The following PGBD1 variants were observed in gnomAD, a reference collection of about 807,000 sequenced individuals.
PGBD1 encodes the protein piggyBac transposable element-derived protein 1.
Under a neutral mutation model 34.7 loss-of-function variants are expected in PGBD1, and 25 were observed. That is an observed-to-expected ratio of 0.72 (90% confidence interval 0.52 to 1.00). PGBD1 has a LOEUF of 1.00. Ranked by LOEUF, PGBD1 falls within the 50% of genes least tolerant of loss-of-function variation. The probability of loss-of-function intolerance (pLI) is 0.00; values close to 1 mark genes in which losing one functional copy is unlikely to be tolerated. For missense variants in PGBD1, 830 were observed against 959.4 expected (o/e 0.87, Z 1.78); for synonymous variants, 292 against 335.7 (o/e 0.87, Z 1.42).
At chr6:28,287,220 C>A in intron 4 of PGBD1, 52 bp downstream of exon 4, 1 of 1,446,468 alleles carries the variant, frequency 6.9e-7, no homozygotes, top group South Asian at 1.1e-5. Context: ...CTTTCTCCCT[C>A]ATTCCATGTT....
chr6:28,299,339 C>T (rs56053755), intron 6 of PGBD1, among the ~76,000 whole-genome samples: 31,121 of 150,176 alleles, frequency 0.21, 4,469 homozygotes, highest in African/African-American at 0.39. Flanking sequence ...CCCTCCCTCA[C>T]CCCCACCCCA....
Position 28,300,976 on chromosome 6 carries a change from G to C in PGBD1, c.1122G>C (p.Gln374His). ...AAAAAGATAATGAGCCTGAGATCCA[G>C]CCTGCTCAAAAGAAGTTAAAGGTAT... Reference protein sequence around the residue: ...DVEKDNEPEIQPAQKKLKVSC... With the variant: ...DVEKDNEPEIHPAQKKLKVSC... The change falls in exon 7 of 7, where the codon CAG becomes CAC. Residue 374 changes from glutamine to histidine, a missense_variant. Coordinates refer to ENST00000682144, the MANE Select transcript of PGBD1 (RefSeq NM_032507.4). This position sits in a 1 kb window ranked among gnomAD's most constrained non-coding sequence, Gnocchi z 4.0. 1 of 1,614,124 alleles carries C rather than the reference G, an allele frequency of 6.2e-7. No homozygotes were observed. The highest frequency in any genetic ancestry group is 8.5e-7 in the Non-Finnish European group (1 of 1,180,026).
chr6:28,294,418 T>G (rs1352034618), intron 4 of PGBD1, among the ~76,000 whole-genome samples: 1 of 152,228 alleles, frequency 6.6e-6, no homozygotes, highest in African/African-American at 2.4e-5. Flanking sequence ...CAACAGATTT[T>G]CAATGAAGAT....
rs1326574215 is a variant in PGBD1 at position 28,301,245 on chromosome 6, T to C, written c.1391T>C (p.Leu464Ser). The change falls in exon 7 of 7, where the codon TTA becomes TCA. Residue 464 changes from leucine to serine, a missense_variant. By Grantham distance (145) the Leu-to-Ser change is moderately radical (BLOSUM62 -2). Coordinates refer to ENST00000682144, the MANE Select transcript of PGBD1 (RefSeq NM_032507.4). Reference sequence around the variant, plus strand: ...GAAATGAGGTGTGTGTTTGGTGTCTTACTTTTGAGTGGATTTATGAGGCAT... The same window carrying C: ...GAAATGAGGTGTGTGTTTGGTGTCTCACTTTTGAGTGGATTTATGAGGCAT... ...VQEMRCVFGV[L>S]LLSGFMRHPR... 1.9e-6 allele frequency: 3 copies of C among 1,614,206 alleles called. No individual in the cohort carries two copies. The highest frequency in any genetic ancestry group is 3.3e-5 in the Admixed American group (2 of 60,028).
chr6:28,287,694 C>T (rs940238279), intron 4 of PGBD1, among the ~76,000 whole-genome samples: 1 of 147,382 alleles, frequency 6.8e-6, no homozygotes. Context: ...CATTTATTTA[C>T]AAAAAAAAAA....
At chr6:28,294,672 C>T (rs1762574641) in intron 4 of PGBD1, among the ~76,000 whole-genome samples, 1 of 152,194 alleles carries the variant, frequency 6.6e-6, no homozygotes, top group Non-Finnish European at 1.5e-5. Flanking sequence ...GATGATAGCA[C>T]ATCTGTTTAC....
intron 1 of PGBD1, among the ~76,000 whole-genome samples, chr6:28,282,683 G>A (rs186897834): frequency 3.3e-5 from 5 of 152,322 alleles, no homozygotes; most frequent in Admixed American, 3.3e-4. Context: ...TAGAAATGGA[G>A]AAATACCGAG....
intron 4 of PGBD1, among the ~76,000 whole-genome samples, chr6:28,289,281 G>A (rs999697716): frequency 6.6e-6 from 1 of 152,126 alleles, no homozygotes; most frequent in African/African-American, 2.4e-5. Context: ...GGAGAAAGTG[G>A]AATGACATTT....
chr6:28,301,102 G>C lies in PGBD1; in HGVS notation c.1248G>C (p.Lys416Asn). ...DSGLLNLKSE[K>N]LNPVELFELF... is the part of the protein sequence containing the mutation. The stretch of plus-strand genomic sequence containing the variant: ...GACTTTTGAATCTCAAGAGCGAAAA[G>C]TTGAACCCAGTAGAGCTTTTTGAAT... The change falls in exon 7 of 7, where the codon AAG becomes AAC. Residue 416 changes from lysine (K) to asparagine (N), a missense_variant. Lys to Asn is a moderately conservative substitution (Grantham distance 94). Around this residue, in one of 3 missense-constraint regions of PGBD1, gnomAD observed 457 missense variants for 515.4 expected, o/e 0.89. Transcript: ENST00000682144. 6.2e-7 allele frequency: 1 copy of C among 1,614,158 alleles called. No individual in the cohort carries two copies. The highest frequency in any genetic ancestry group is 8.5e-7 in the Non-Finnish European group (1 of 1,180,032).
intron 4 of PGBD1, among the ~76,000 whole-genome samples, chr6:28,294,839 G>A (rs1410170744): frequency 6.6e-6 from 1 of 152,192 alleles, no homozygotes; most frequent in African/African-American, 2.4e-5. Flanking sequence ...TTTCAAGCCT[G>A]CCAATACAAT....
At chr6:28,291,213 C>A in intron 4 of PGBD1, among the ~76,000 whole-genome samples, 1 of 143,156 alleles carries the variant, frequency 7.0e-6, no homozygotes, top group Non-Finnish European at 1.5e-5. Context: ...TTTAGCTGGA[C>A]AAACAAAAAA....
At position 28,301,125 on chromosome 6, in the gene PGBD1, A is replaced by G. The variant is rs1398620256; in HGVS notation, c.1271A>G (p.Glu424Gly). The change falls in exon 7 of 7, where the codon GAA becomes GGA. Residue 424 changes from glutamate to glycine, a missense_variant. Around this residue, in one of 3 missense-constraint regions of PGBD1, gnomAD observed 457 missense variants for 515.4 expected, o/e 0.89. Coordinates refer to ENST00000682144, the MANE Select transcript of PGBD1 (RefSeq NM_032507.4). The stretch of plus-strand genomic sequence containing the variant: ...AAGTTGAACCCAGTAGAGCTTTTTG[A>G]ATTATTTTTTGATGATGAAACATTC... Reference protein sequence around the residue: ...SEKLNPVELFELFFDDETFNL... With the variant: ...SEKLNPVELFGLFFDDETFNL... The G allele has an allele frequency of 3.1e-6, 5 of 1,614,040 alleles. No individual in the cohort carries two copies. Among genetic ancestry groups the G allele is most frequent in the Non-Finnish European group, 4.2e-6 (5 of 1,180,036 alleles).
rs578023718 is a variant in PGBD1 at position 28,287,745 on chromosome 6, T to A, written c.642+577T>A. Among the ~76,000 whole-genome samples the A allele has an allele frequency of 9.9e-5, 15 of 152,254 alleles. No homozygotes were observed. The East Asian group carries it at 2.1e-3, about 22-fold the overall frequency. On this transcript the variant is annotated intron_variant, in intron 4 of 6. Transcript: ENST00000682144. ...AGTCCTCTTGCATACTGCTGCCACA[T>A]CAGTTTCCTCAAGACACTTGCTCAG...
intron 4 of PGBD1, among the ~76,000 whole-genome samples, chr6:28,296,321 T>C (rs893260787): frequency 3.3e-5 from 5 of 152,374 alleles, no homozygotes; most frequent in African/African-American, 1.2e-4. Flanking sequence ...TATATTGAAG[T>C]GCTGTTCAAC....
At chr6:28,295,935 G>A (rs972235141) in intron 4 of PGBD1, among the ~76,000 whole-genome samples, 6 of 152,134 alleles carry the variant, frequency 3.9e-5, no homozygotes, top group African/African-American at 1.4e-4. Context: ...CTTCTGTCTT[G>A]AAACCCCCTC....
intron 1 of PGBD1, among the ~76,000 whole-genome samples, chr6:28,283,173 A>T (rs1168557418): frequency 6.6e-6 from 1 of 152,278 alleles, no homozygotes; most frequent in East Asian, 1.9e-4. Flanking sequence ...TCCTTACAGC[A>T]TGGCAGTCTT....
At chr6:28,293,327 C>A (rs762007485) in intron 4 of PGBD1, among the ~76,000 whole-genome samples, 2 of 152,162 alleles carry the variant, frequency 1.3e-5, no homozygotes, top group Non-Finnish European at 2.9e-5. Context: ...TAATACAATT[C>A]TGTTGTTTTC....
chr6:28,297,820 T>TTTTG, intron 5 of PGBD1, 75 bp from the exon 6 acceptor site: 2 of 158,500 alleles, frequency 1.3e-5, no homozygotes, highest in South Asian at 3.5e-4. Context: ...CTGGAAGTTT[T>TTTTG]TTTTTTTTTT....
Position 28,296,810 on chromosome 6 carries a change from T to C in PGBD1, c.643-6T>C. 1 of 1,613,682 alleles carries C rather than the reference T, an allele frequency of 6.2e-7. No individual in the cohort carries two copies. Among genetic ancestry groups the C allele is most frequent in the Non-Finnish European group, 8.5e-7 (1 of 1,179,894 alleles). ...AAGAGGCTATTTTCTTTTTTTGTCT[T>C]TTTAGACATTGGTGAAGACTGAGGA... On this transcript the variant is annotated splice_region_variant and splice_polypyrimidine_tract_variant and intron_variant, in intron 4 of 6. Coordinates refer to ENST00000682144, the MANE Select transcript of PGBD1 (RefSeq NM_032507.4).
Sources: gnomAD v4.1 joint callset for allele counts (sites outside exome capture counted in the v4.1 genomes callset) on GRCh38, gnomAD v4.1.1 for gene constraint, gnomAD v4.1.1 regional missense constraint, Gnocchi (gnomAD v3.1) non-coding constraint, MANE v1.5 for transcripts, NCBI Gene and HGNC (gene_info 2026-07-23, HGNC 2026-07-21) for gene names.